Variants in LRRN1 observed in about 807,000 individuals in gnomAD.
The protein encoded by LRRN1 is leucine rich repeat neuronal 1, also known as leucine-rich repeat neuronal protein 1.
Under a neutral mutation model 45.8 loss-of-function variants are expected in LRRN1, and 14 were observed. The observed-to-expected ratio is 0.31, with a 90% CI of 0.20 to 0.48. The LOEUF (loss-of-function observed/expected upper bound fraction) is 0.48, where lower values mean the gene tolerates loss of function less well. LRRN1 is among the 20% of genes least tolerant of loss of function. The pLI is 0.99. For missense variants in LRRN1, 789 were observed against 874.2 expected, an observed-to-expected ratio of 0.90 and a Z score of 1.23; for synonymous variants, 359 against 330.1, an observed-to-expected ratio of 1.09 and a Z score of -0.95.
At chr3:3,805,124 G>T (rs1437972857) in intron 1 of LRRN1, among the ~76,000 whole-genome samples, 1 of 152,134 alleles carries the variant, frequency 6.6e-6, no homozygotes, top group Non-Finnish European at 1.5e-5. Flanking sequence ...CAATTTGCAG[G>T]GGGACAGTGG....
chr3:3,817,319 T>C (rs1434309472), intron 1 of LRRN1, among the ~76,000 whole-genome samples: 1 of 152,172 alleles, frequency 6.6e-6, no homozygotes, highest in Non-Finnish European at 1.5e-5. Context: ...AGAAAAGGAA[T>C]TTGAAATCAA....
intron 1 of LRRN1, among the ~76,000 whole-genome samples, chr3:3,843,816 G>C (rs576627537): frequency 2.0e-5 from 3 of 152,194 alleles, no homozygotes; most frequent in Non-Finnish European, 4.4e-5. Flanking sequence ...ATTTAGAAAA[G>C]AAAGACTTCC....
chr3:3,815,877 A>G (rs1439035427), intron 1 of LRRN1, among the ~76,000 whole-genome samples: 1 of 144,590 alleles, frequency 6.9e-6, no homozygotes, highest in East Asian at 2.1e-4. Context: ...ATTTACTCTA[A>G]AATTTATTTT....
In LRRN1 at chr3:3,846,884, T is replaced by C. The variant is rs1178249554; in HGVS notation, c.*92T>C. On this transcript the variant is annotated 3_prime_UTR_variant, in exon 2 of 2. Coordinates refer to ENST00000319331, the MANE Select transcript of LRRN1 (RefSeq NM_020873.7). The surrounding 1 kb of genome is among the most constrained non-coding windows in gnomAD (Gnocchi z 5.7). ...GAACAAGTTGAAGACTTTTGTATTT[T>C]TGACTTTGCTAGTTTGTGGCAGAGT... 3.5e-6 allele frequency: 4 copies of C among 1,132,464 alleles called. No homozygotes were observed. Among genetic ancestry groups the C allele is most frequent in the African/African-American group, 1.6e-5 (1 of 63,288 alleles). 70.2% of individuals were successfully genotyped at this position (1,132,464 alleles called of 1,614,324 possible).
At chr3:3,828,746 A>C (rs985551371) in intron 1 of LRRN1, among the ~76,000 whole-genome samples, 1 of 152,206 alleles carries the variant, frequency 6.6e-6, no homozygotes, top group African/African-American at 2.4e-5. Context: ...GAAGTCAATA[A>C]ATCTTATGTC....
intron 1 of LRRN1, among the ~76,000 whole-genome samples, chr3:3,836,189 C>T (rs1220812491): frequency 6.6e-6 from 1 of 152,136 alleles, no homozygotes; most frequent in Non-Finnish European, 1.5e-5. Flanking sequence ...ATTATGGCTT[C>T]GCTTTTTTTG....
intron 1 of LRRN1, among the ~76,000 whole-genome samples, chr3:3,821,029 A>G (rs557201881): frequency 2.3e-4 from 35 of 152,332 alleles, no homozygotes; most frequent in African/African-American, 7.9e-4. Context: ...CGTGGTCTGC[A>G]TGACAGGACT....
rs536511670 is a variant in LRRN1 at position 3,845,486 on chromosome 3, A to G, written c.845A>G (p.Asp282Gly). 1 of 1,614,088 alleles carries G rather than the reference A, an allele frequency of 6.2e-7. No homozygotes were observed. Among genetic ancestry groups the G allele is most frequent in the Non-Finnish European group, 8.5e-7 (1 of 1,180,006 alleles). ...KNPIHKIQEG[D>G]FKNMLRLKEL... ...CCCATTCACAAAATCCAAGAAGGGG[A>G]CTTCAAAAATATGCTTCGGTTAAAA... is the stretch of plus-strand genomic sequence containing the variant. Residue 282 changes from aspartate to glycine, a missense_variant, in exon 2 of 2, where the codon GAC becomes GGC. Coordinates refer to ENST00000319331, the MANE Select transcript of LRRN1 (RefSeq NM_020873.7). This position sits in a 1 kb window ranked among gnomAD's most constrained non-coding sequence, Gnocchi z 6.5.
chr3:3,821,396 T>C (rs1693102283), intron 1 of LRRN1, among the ~76,000 whole-genome samples: 1 of 152,138 alleles, frequency 6.6e-6, no homozygotes, highest in African/African-American at 2.4e-5. Context: ...AATTAGTAAC[T>C]CTCATTCCTC....
rs1264020440 is a variant in LRRN1 at position 3,849,241 on chromosome 3, C to T, written c.*2449C>T. On this transcript the variant is annotated 3_prime_UTR_variant, in exon 2 of 2. Transcript: ENST00000319331. ...AATAAATGAAGGGAAAAACCTCAGCCGTTTCTCCATTCTGAAGATATAGCA... is the reference window on the plus strand; with the variant it reads ...AATAAATGAAGGGAAAAACCTCAGCTGTTTCTCCATTCTGAAGATATAGCA... 2.6e-5 allele frequency among the ~76,000 whole-genome samples: 4 copies of T among 152,260 alleles called. 1 individual carries two copies. In the East Asian group the frequency reaches 5.8e-4, roughly 22 times the overall value.
intron 1 of LRRN1, among the ~76,000 whole-genome samples, chr3:3,804,452 T>A (rs1241148250): frequency 6.6e-6 from 1 of 152,216 alleles, no homozygotes; most frequent in Non-Finnish European, 1.5e-5. Flanking sequence ...GAACTTGGAA[T>A]AATACATTCC....
chr3:3,810,094 T>C (rs542876902), intron 1 of LRRN1, among the ~76,000 whole-genome samples: 12 of 152,336 alleles, frequency 7.9e-5, no homozygotes, highest in East Asian at 1.9e-4. Context: ...TTTGAAAGAA[T>C]TGGCAAACAG....
chr3:3,827,492 A>G (rs1370174003), intron 1 of LRRN1: 1 of 456,610 alleles, frequency 2.2e-6, no homozygotes, highest in Admixed American at 2.3e-5. Flanking sequence ...TGTTGAGGCA[A>G]TCTATTTTTC....
intron 1 of LRRN1, among the ~76,000 whole-genome samples, chr3:3,834,526 A>ATATATATATATATATATG (rs1559302539): frequency 5.1e-5 from 1 of 19,702 alleles, no homozygotes; most frequent in Non-Finnish European, 9.1e-5. Context: ...ACAGAACAGG[A>ATATATATATATATATATG]TATATATATA....
chr3:3,827,356 C>A, intron 1 of LRRN1: 1 of 419,366 alleles, frequency 2.4e-6, no homozygotes, highest in Non-Finnish European at 4.8e-6. Context: ...GTATCACAAT[C>A]AGCACTGGGG....
chr3:3,813,808 C>T (rs1044111434), intron 1 of LRRN1, among the ~76,000 whole-genome samples: 9 of 152,098 alleles, frequency 5.9e-5, no homozygotes, highest in African/African-American at 2.2e-4. Context: ...AACGAAGCCC[C>T]TGCCTATTGA....
intron 1 of LRRN1, among the ~76,000 whole-genome samples, chr3:3,829,364 G>A (rs1693313750): frequency 6.6e-6 from 1 of 152,152 alleles, no homozygotes; most frequent in Admixed American, 6.6e-5. Context: ...GAACTAAGAT[G>A]TCTAGGGTAG....
At chr3:3,820,549 A>G (rs1432082301) in intron 1 of LRRN1, among the ~76,000 whole-genome samples, 1 of 152,216 alleles carries the variant, frequency 6.6e-6, no homozygotes, top group East Asian at 1.9e-4. Flanking sequence ...GAGGAGATCT[A>G]TTCTGATGGA....
intron 1 of LRRN1, among the ~76,000 whole-genome samples, chr3:3,807,605 G>A (rs532161818): frequency 6.6e-6 from 1 of 152,216 alleles, no homozygotes; most frequent in African/African-American, 2.4e-5. Context: ...TGAGTGTAAG[G>A]TTTCCTATGA....
Sources: gnomAD v4.1 joint callset for allele counts (sites outside exome capture counted in the v4.1 genomes callset) on GRCh38, gnomAD v4.1.1 for gene constraint, Gnocchi (gnomAD v3.1) non-coding constraint, MANE v1.5 for transcripts, NCBI Gene and HGNC (gene_info 2026-07-23, HGNC 2026-07-21) for gene names.